Variants in SYNPO2 observed in about 807,000 individuals in gnomAD.
SYNPO2 encodes the protein synaptopodin 2.
A neutral mutation model predicts 85.0 loss-of-function variants in SYNPO2; 56 were observed. The observed-to-expected ratio is 0.66, with a 90% CI of 0.53 to 0.82. The LOEUF (loss-of-function observed/expected upper bound fraction) is 0.82, where lower values mean the gene tolerates loss of function less well. Ranked by LOEUF, SYNPO2 falls within the 40% of genes least tolerant of loss-of-function variation. The probability of loss-of-function intolerance (pLI) is 0.00; values close to 1 mark genes in which losing one functional copy is unlikely to be tolerated. For synonymous variants in SYNPO2, 602 were observed against 591.1 expected, an observed-to-expected ratio of 1.02 and a Z score of -0.27; for missense variants, 1,575 against 1,534.2, an observed-to-expected ratio of 1.03 and a Z score of -0.44.
chr4:118,909,743 A>G (rs1296827871), intron 1 of SYNPO2, among the ~76,000 whole-genome samples: 2 of 152,236 alleles, frequency 1.3e-5, no homozygotes, highest in East Asian at 1.9e-4. Flanking sequence ...CTCTTGAGCC[A>G]GCAAACTTGC....
rs201996079 is a variant in SYNPO2, at chr4:119,057,447, C to G, written c.3299C>G (p.Pro1100Arg). ...LSLPGRSVPP[P>R]ISTSPWVYQP... is the part of the protein sequence containing the mutation. ...CTTCCTGGAAGATCAGTCCCACCCC[C>G]CATTTCTACATCTCCTTGGGTATAC... The change falls in exon 5 of 5, where the codon CCC (proline) becomes CGC (arginine). Residue 1100 changes from proline to arginine, a missense_variant. By Grantham distance (103) the Pro-to-Arg change is moderately radical. Around this residue, in one of 3 missense-constraint regions of SYNPO2, gnomAD observed 1,508 missense variants for 1,446.8 expected, o/e 1.04. Transcript: ENST00000307142. 1.2e-6 allele frequency: 2 copies of G among 1,613,384 alleles called. No homozygotes were observed. The highest frequency in any genetic ancestry group is 4.5e-5 in the East Asian group (2 of 44,876).
intron 1 of SYNPO2, among the ~76,000 whole-genome samples, chr4:118,854,291 T>C (rs1487004694): frequency 1.3e-5 from 2 of 152,244 alleles, no homozygotes; most frequent in Admixed American, 6.5e-5. Flanking sequence ...AAGCATGACT[T>C]TCCATTTGTT....
chr4:118,984,266 T>C (rs1453929941), intron 1 of SYNPO2, among the ~76,000 whole-genome samples: 1 of 152,178 alleles, frequency 6.6e-6, no homozygotes, highest in African/African-American at 2.4e-5. Context: ...AGAGAGAAAA[T>C]TTACATTATG....
chr4:119,000,843 C>G (rs1267314764), intron 1 of SYNPO2, among the ~76,000 whole-genome samples: 1 of 152,144 alleles, frequency 6.6e-6, no homozygotes, highest in Non-Finnish European at 1.5e-5. Context: ...TCCTGCTGTT[C>G]TTTCTTTCTT....
intron 1 of SYNPO2, among the ~76,000 whole-genome samples, chr4:118,878,857 C>A (rs773429820): frequency 2.0e-5 from 3 of 152,206 alleles, no homozygotes; most frequent in Admixed American, 6.5e-5. Flanking sequence ...AGCAGAGGCA[C>A]CCACTCAGGT....
chr4:118,949,288 C>T (rs892101019), intron 1 of SYNPO2, among the ~76,000 whole-genome samples: 3 of 152,060 alleles, frequency 2.0e-5, no homozygotes, highest in Admixed American at 6.6e-5. Flanking sequence ...AAACAAAAGT[C>T]TAAAAAGACT....
intron 1 of SYNPO2, among the ~76,000 whole-genome samples, chr4:118,894,078 C>T (rs1247113614): frequency 1.3e-5 from 2 of 150,964 alleles, no homozygotes; most frequent in Non-Finnish European, 3.0e-5. Flanking sequence ...TTCATGAAAT[C>T]ATCATCATCA....
chr4:118,921,528 A>G lies in SYNPO2; in HGVS notation c.105+32387A>G, dbSNP rs190197376. Among the ~76,000 whole-genome samples, 5 of 152,172 alleles carry G rather than the reference A, an allele frequency of 3.3e-5. No individual in the cohort carries two copies. In the East Asian group the frequency reaches 9.7e-4, roughly 29 times the overall value. ...CTTGGGAGGCTGAGGTGGGAGAATCACTTAAGACCAGGACTTTGAGCCCAG... is the reference window on the plus strand; with the variant it reads ...CTTGGGAGGCTGAGGTGGGAGAATCGCTTAAGACCAGGACTTTGAGCCCAG... On this transcript the variant is annotated intron_variant, in intron 1 of 4. Coordinates refer to ENST00000307142, the MANE Select transcript of SYNPO2 (RefSeq NM_133477.3).
rs1175239614 is a variant in SYNPO2, at chr4:119,031,369, T to C, written c.2594T>C (p.Leu865Pro). ...GGTGCAGTGGGACCATCCAATGAGC[T>C]TCCAGGAATGAGTGGGAGAGGAGCT... Reference protein sequence around the residue: ...QPGAVGPSNELPGMSGRGAQL... With the variant: ...QPGAVGPSNEPPGMSGRGAQL... Residue 865 changes from leucine to proline, a missense_variant, in exon 4 of 5, where the codon CTT becomes CCT. By Grantham distance (98) the Leu-to-Pro change is moderately conservative (BLOSUM62 -3). Coordinates refer to ENST00000307142, the MANE Select transcript of SYNPO2 (RefSeq NM_133477.3). The C allele has an allele frequency of 6.2e-6, 10 of 1,614,006 alleles. No homozygotes were observed. Among genetic ancestry groups the C allele is most frequent in the Non-Finnish European group, 8.5e-6 (10 of 1,180,044 alleles).
chr4:118,986,903 C>T (rs1489525837), intron 1 of SYNPO2, among the ~76,000 whole-genome samples: 1 of 152,230 alleles, frequency 6.6e-6, no homozygotes, highest in Non-Finnish European at 1.5e-5. Context: ...CCTCCAACAA[C>T]TTCCCTATAG....
intron 1 of SYNPO2, among the ~76,000 whole-genome samples, chr4:118,860,898 A>G (rs1038848751): frequency 1.3e-5 from 2 of 151,888 alleles, no homozygotes; most frequent in African/African-American, 4.8e-5. Context: ...TTTCCTATAG[A>G]GTTGTTTTAG....
intron 4 of SYNPO2, chr4:119,036,929 G>T (rs1009230658): frequency 8.3e-7 from 1 of 1,204,234 alleles, no homozygotes; most frequent in African/African-American, 1.6e-5. Flanking sequence ...TGCATCCCAA[G>T]TATACAGGGG....
intron 1 of SYNPO2, among the ~76,000 whole-genome samples, chr4:118,950,192 C>T (rs993992507): frequency 6.6e-6 from 1 of 152,050 alleles, no homozygotes; most frequent in Non-Finnish European, 1.5e-5. Context: ...GTATAACACC[C>T]ACAAAAGGCA....
chr4:118,945,567 G>A (rs1734470163), intron 1 of SYNPO2, among the ~76,000 whole-genome samples: 1 of 152,094 alleles, frequency 6.6e-6, no homozygotes, highest in African/African-American at 2.4e-5. Flanking sequence ...ATTTCAAAAA[G>A]CAAGATGATT....
Position 118,932,279 on chromosome 4 carries a change from A to G in SYNPO2, c.105+43138A>G, listed in dbSNP as rs541366726. The stretch of plus-strand genomic sequence containing the variant: ...CTGAGATAGAGGCACCACTGACCCC[A>G]CAAGAAGTAAGGCACCATTTAAGGT... On this transcript the variant is annotated intron_variant, in intron 1 of 4. Transcript: ENST00000307142. Among the ~76,000 whole-genome samples the G allele has an allele frequency of 2.6e-5, 4 of 152,306 alleles. No individual in the cohort carries two copies. The East Asian group carries it at 7.7e-4, about 29-fold the overall frequency.
chr4:118,863,455 T>C (rs1176841805), intron 1 of SYNPO2, among the ~76,000 whole-genome samples: 2 of 152,170 alleles, frequency 1.3e-5, no homozygotes, highest in African/African-American at 4.8e-5. Flanking sequence ...TAGTTGCTTA[T>C]AGTAGTCACT....
At chr4:118,984,981 A>G (rs1736163959) in intron 1 of SYNPO2, among the ~76,000 whole-genome samples, 1 of 152,192 alleles carries the variant, frequency 6.6e-6, no homozygotes, top group Non-Finnish European at 1.5e-5. Context: ...AGAAGTACAA[A>G]GCTCAATGGG....
intron 4 of SYNPO2, among the ~76,000 whole-genome samples, chr4:119,039,131 A>G (rs1221675231): frequency 6.6e-6 from 1 of 152,200 alleles, no homozygotes; most frequent in Non-Finnish European, 1.5e-5. Context: ...AAGATGTGCT[A>G]GGTACCACTC....
At position 118,929,883 on chromosome 4, in the gene SYNPO2, A is replaced by C. The variant is rs560035088; in HGVS notation, c.105+40742A>C. 1.7e-3 allele frequency among the ~76,000 whole-genome samples: 253 copies of C among 152,266 alleles called. 1 individual carries two copies. The highest frequency in any genetic ancestry group is 5.8e-3 in the African/African-American group (241 of 41,572). On this transcript the variant is annotated intron_variant, in intron 1 of 4. Transcript: ENST00000307142. ...TATTTATTGTCTACATTCTGCTTTT[A>C]GAAGAAAAGGGAAAAGGACCAATAA...
Sources: allele counts gnomAD v4.1 joint callset (sites outside exome capture counted in the v4.1 genomes callset), GRCh38; gene constraint gnomAD v4.1.1; regional missense constraint gnomAD v4.1.1; transcripts MANE v1.5; gene names NCBI Gene and HGNC (gene_info 2026-07-23, HGNC 2026-07-21).